TOM1L2: variants seen among roughly 807,000 people sequenced by gnomAD.
The protein encoded by TOM1L2 is target of myb1 like 2 membrane trafficking protein.
A neutral mutation model predicts 67.9 loss-of-function variants in TOM1L2; 31 were observed. That is an observed-to-expected ratio of 0.46 (90% CI 0.34 to 0.62). The LOEUF is 0.62. TOM1L2 is among the 20% of genes least tolerant of loss of function. The pLI is 0.01. For missense variants in TOM1L2, 606 were observed against 663.5 expected (o/e 0.91, Z 0.95); for synonymous variants, 256 against 254.0 (o/e 1.01, Z -0.07).
At chr17:17,972,200 G>A in intron 1 of TOM1L2, 62 bp downstream of exon 1, 1 of 1,543,206 alleles carries the variant, frequency 6.5e-7, no homozygotes, top group Non-Finnish European at 8.8e-7. Flanking sequence ...GAGGCCCGCG[G>A]TCCTCACCAG....
intron 3 of TOM1L2, among the ~76,000 whole-genome samples, chr17:17,896,974 G>A (rs908319957): frequency 2.6e-5 from 4 of 152,076 alleles, no homozygotes; most frequent in Admixed American, 6.5e-5. Context: ...GCAGCCCTGC[G>A]CATTTCACAG....
At chr17:17,894,971 A>ATG (rs1482198508) in intron 3 of TOM1L2, among the ~76,000 whole-genome samples, 48 of 65,818 alleles carry the variant, frequency 7.3e-4, no homozygotes, top group Admixed American at 1.4e-3. Flanking sequence ...ATACATACAT[A>ATG]CATACATGCA....
chr17:17,865,943 T>C (rs548767030), intron 10 of TOM1L2, among the ~76,000 whole-genome samples: 5 of 151,616 alleles, frequency 3.3e-5, no homozygotes, highest in South Asian at 4.2e-4. Flanking sequence ...GGTTTCGCCA[T>C]GTTGGTCAGG....
intron 12 of TOM1L2, chr17:17,858,205 C>G (rs2036350071): frequency 5.9e-6 from 1 of 169,236 alleles, no homozygotes; most frequent in African/African-American, 2.7e-5. Context: ...AAAAGCAATT[C>G]TACTTTTTTC....
chr17:17,931,938 G>T (rs2040353746), intron 1 of TOM1L2, among the ~76,000 whole-genome samples: 1 of 152,202 alleles, frequency 6.6e-6, no homozygotes, highest in South Asian at 2.1e-4. Flanking sequence ...CTTACCCAAA[G>T]ATCTCATCAA....
At chr17:17,862,966 GGC>G in intron 10 of TOM1L2, 118 bp from the exon 11 acceptor site, 1 of 671,554 alleles carries the variant, frequency 1.5e-6, no homozygotes, top group South Asian at 1.8e-5. Context: ...GGGAGGGTGG[GGC>G]GGGACTTTCC....
At chr17:17,943,213 C>G (rs1480129284) in intron 1 of TOM1L2, among the ~76,000 whole-genome samples, 2 of 152,218 alleles carry the variant, frequency 1.3e-5, no homozygotes, top group Non-Finnish European at 2.9e-5. Flanking sequence ...AAGCAGGTCT[C>G]AAACTGGGGT....
intron 1 of TOM1L2, among the ~76,000 whole-genome samples, chr17:17,956,230 G>A (rs2041440232): frequency 6.6e-6 from 1 of 152,190 alleles, no homozygotes; most frequent in Non-Finnish European, 1.5e-5. Flanking sequence ...TTTTGACAGG[G>A]TGCTGATTGG....
chr17:17,920,217 C>CT (rs200600237), intron 1 of TOM1L2, among the ~76,000 whole-genome samples: 29 of 135,240 alleles, frequency 2.1e-4, no homozygotes, highest in East Asian at 1.9e-3. Context: ...TTCTCTCGTT[C>CT]TTTTTTTTTT....
chr17:17,894,157 G>A (rs2038440376), intron 3 of TOM1L2, among the ~76,000 whole-genome samples: 1 of 152,152 alleles, frequency 6.6e-6, no homozygotes, highest in Non-Finnish European at 1.5e-5. Flanking sequence ...TCCTCTCTCT[G>A]GGCCTCTGGG....
chr17:17,972,238 C>T (rs376856791), intron 1 of TOM1L2, 24 bp downstream of exon 1: 465 of 1,549,054 alleles, frequency 3.0e-4, no homozygotes, highest in Non-Finnish European at 3.9e-4. Flanking sequence ...GTTGCCCAGC[C>T]TCCTGCCCCA....
rs562248376 is a variant in TOM1L2, at chr17:17,956,380, TAGACATAA to T, written c.52+15874_52+15881del. ...ATTGGTGTATTTACAATCCCTTAGC[TAGACATAA>T]AGGTTCTCTAAGTCCTCACTAGACT... On this transcript the variant is annotated intron_variant, in intron 1 of 14. Transcript: ENST00000379504. Among the ~76,000 whole-genome samples the T allele has an allele frequency of 1.7e-3, 265 of 152,314 alleles. 1 individual carries two copies. The highest frequency in any genetic ancestry group is 6.0e-3 in the African/African-American group (250 of 41,580).
intron 1 of TOM1L2, among the ~76,000 whole-genome samples, chr17:17,971,138 T>C (rs1373854472): frequency 6.6e-6 from 1 of 152,170 alleles, no homozygotes; most frequent in Non-Finnish European, 1.5e-5. Flanking sequence ...CCATTCTCTC[T>C]ACATTGCCAA....
intron 1 of TOM1L2, among the ~76,000 whole-genome samples, chr17:17,911,182 T>A (rs1166145600): frequency 6.6e-6 from 1 of 152,230 alleles, no homozygotes; most frequent in Non-Finnish European, 1.5e-5. Flanking sequence ...CAGGGCATCC[T>A]GGCCTGGGTC....
intron 12 of TOM1L2, among the ~76,000 whole-genome samples, chr17:17,860,199 T>C (rs2036478456): frequency 6.6e-6 from 1 of 152,230 alleles, no homozygotes; most frequent in Non-Finnish European, 1.5e-5. Flanking sequence ...AGTATCCTGG[T>C]AGGCCCCTGG....
intron 4 of TOM1L2, among the ~76,000 whole-genome samples, chr17:17,890,137 G>A (rs963507082): frequency 3.3e-5 from 5 of 152,122 alleles, no homozygotes; most frequent in African/African-American, 1.2e-4. Flanking sequence ...GCAAATAAAA[G>A]TACTTTCTTT....
intron 3 of TOM1L2, among the ~76,000 whole-genome samples, chr17:17,896,272 A>T (rs1277657635): frequency 6.6e-6 from 1 of 152,124 alleles, no homozygotes; most frequent in Non-Finnish European, 1.5e-5. Flanking sequence ...GTCAAGGCAG[A>T]TGGCAAGAAG....
intron 7 of TOM1L2, among the ~76,000 whole-genome samples, chr17:17,876,803 C>T (rs542356854): frequency 1.3e-5 from 2 of 152,272 alleles, no homozygotes; most frequent in South Asian, 4.1e-4. Flanking sequence ...GTGCTGCTGC[C>T]CGAAGTCTAA....
In TOM1L2 at chr17:17,968,759, A is replaced by G. The variant is rs984024707; in HGVS notation, c.52+3503T>C. Among the ~76,000 whole-genome samples the G allele has an allele frequency of 2.0e-5, 3 of 151,530 alleles. No homozygotes were observed. The South Asian group carries it at 6.2e-4, about 32-fold the overall frequency. On this transcript the variant is annotated intron_variant, in intron 1 of 14. Coordinates refer to ENST00000379504, the MANE Select transcript of TOM1L2 (RefSeq NM_001082968.2). ...AACCCTACTTGCCACCACTCCCCAC[A>G]GCCACCTCTGCTCCATTCAGACTGG... is the stretch of plus-strand genomic sequence containing the variant.
Sources: gnomAD v4.1 joint callset for allele counts (sites outside exome capture counted in the v4.1 genomes callset) on GRCh38, gnomAD v4.1.1 for gene constraint, MANE v1.5 for transcripts, NCBI Gene and HGNC (gene_info 2026-07-23, HGNC 2026-07-21) for gene names.